Variants in HECTD4 observed in about 807,000 individuals in gnomAD.
HECTD4 encodes the protein HECT domain E3 ubiquitin protein ligase 4, also known as probable E3 ubiquitin-protein ligase HECTD4.
In HECTD4, 114 loss-of-function variants were observed where a neutral mutation model predicts 471.5. The observed-to-expected ratio is 0.24, with a 90% CI of 0.21 to 0.28. HECTD4 has a LOEUF of 0.28. Among genes scored for constraint, HECTD4 ranks in the 10% least tolerant of loss-of-function variants. The pLI, the probability that HECTD4 is intolerant of heterozygous loss-of-function variation, is 1.00. For missense variants in HECTD4, 3,866 were observed against 5,651.5 expected, an observed-to-expected ratio of 0.68 and a Z score of 10.13; for synonymous variants, 2,012 against 2,256.0, an observed-to-expected ratio of 0.89 and a Z score of 3.07.
intron 45 of HECTD4, 112 bp downstream of exon 45, chr12:112,219,274 C>T (rs2033020915): frequency 1.6e-6 from 1 of 635,234 alleles, no homozygotes; most frequent in Non-Finnish European, 2.6e-6. Flanking sequence ...AAAGAATGCA[C>T]CTCCAAACGG....
chr12:112,277,523 C>CA (rs573837292), intron 9 of HECTD4, among the ~76,000 whole-genome samples: 61 of 152,262 alleles, frequency 4.0e-4, no homozygotes, highest in Non-Finnish European at 7.1e-4. Context: ...CCTCAGTGAC[C>CA]ACGTAGTGAT....
rs1219518984 is a variant in HECTD4 at position 112,239,348 on chromosome 12, A to G, written c.5106-112T>C. 3 of 831,014 alleles carry G rather than the reference A, an allele frequency of 3.6e-6. No homozygotes were observed. Among genetic ancestry groups the G allele is most frequent in the Non-Finnish European group, 5.4e-6 (3 of 556,546 alleles). 51.5% of individuals were successfully genotyped at this position (831,014 alleles called of 1,614,324 possible). On this transcript the variant is annotated intron_variant, in intron 33 of 75. Coordinates refer to ENST00000682272, the MANE Select transcript of HECTD4 (RefSeq NM_001388303.1). The surrounding 1 kb of genome is among the most constrained non-coding windows in gnomAD (Gnocchi z 4.9). The stretch of plus-strand genomic sequence containing the variant: ...CATGCTGGTGCAGCTCTTTCCCTAC[A>G]ACTTAGGATACTGCCATGTGCAATC...
chr12:112,348,104 G>A (rs1479811091), intron 1 of HECTD4, among the ~76,000 whole-genome samples: 1 of 152,146 alleles, frequency 6.6e-6, no homozygotes, highest in Non-Finnish European at 1.5e-5. Flanking sequence ...TCTAATTGCA[G>A]GTGGAAAAAC....
In HECTD4 at chr12:112,239,290, A is replaced by T; in HGVS notation, c.5106-54T>A. 1 of 1,501,566 alleles carries T rather than the reference A, an allele frequency of 6.7e-7. No homozygotes were observed. The highest frequency in any genetic ancestry group is 9.0e-7 in the Non-Finnish European group (1 of 1,113,776). 93.0% of individuals were successfully genotyped at this position (1,501,566 alleles called of 1,614,324 possible). A position where few individuals can be genotyped will look rare whatever the true frequency, so the allele number is the denominator to read the frequency against. ...TAAACGTAACTGACCGACACTCAGG[A>T]AACTCTCATGTGAGGTTCAAAGGGG... On this transcript the variant is annotated intron_variant, in intron 33 of 75. Transcript: ENST00000682272. The surrounding 1 kb of genome is among the most constrained non-coding windows in gnomAD (Gnocchi z 4.9).
chr12:112,349,974 A>G (rs1286601772), intron 1 of HECTD4, among the ~76,000 whole-genome samples: 4 of 151,806 alleles, frequency 2.6e-5, no homozygotes, highest in Non-Finnish European at 5.9e-5. Context: ...CTTTTTTTTG[A>G]GACAGGGCCT....
chr12:112,219,316 C>T, intron 45 of HECTD4, 70 bp downstream of exon 45: 1 of 1,127,732 alleles, frequency 8.9e-7, no homozygotes, highest in Non-Finnish European at 1.3e-6. Context: ...ATGTCCTTAA[C>T]TTGCTGCTGG....
intron 1 of HECTD4, among the ~76,000 whole-genome samples, chr12:112,340,819 G>A (rs945048905): frequency 5.3e-5 from 8 of 152,090 alleles, no homozygotes; most frequent in African/African-American, 1.2e-4. Flanking sequence ...TTCATGTGCC[G>A]AATTTGACAA....
Position 112,290,848 on chromosome 12 carries a change from C to CAAAAAAAAA in HECTD4, c.1336-7555_1336-7547dup, listed in dbSNP as rs773634720. Among the ~76,000 whole-genome samples the CAAAAAAAAA allele has an allele frequency of 2.4e-4, 21 of 86,258 alleles. 1 individual carries two copies. The East Asian group carries it at 5.2e-3, about 21-fold the overall frequency. 56.6% of individuals were successfully genotyped at this position (86,258 alleles called of 152,430 possible). On this transcript the variant is annotated intron_variant, in intron 7 of 75. Transcript: ENST00000682272. ...GAGCAACAAGAGCGAAACTCCGTCT[C>CAAAAAAAAA]AAAAAAAAACAAAACAAAAAAAAAA...
At chr12:112,256,180 TTA>T in intron 21 of HECTD4, 138 bp downstream of exon 21, 1 of 558,358 alleles carries the variant, frequency 1.8e-6, no homozygotes, top group Middle Eastern at 4.7e-4. Context: ...GATAAGAACT[TTA>T]TCTTAGGAAA....
Position 112,175,731 on chromosome 12 carries a change from C to T in HECTD4, c.11594+5G>A. The T allele has an allele frequency of 6.2e-7, 1 of 1,611,538 alleles. No homozygotes were observed. The highest frequency in any genetic ancestry group is 8.5e-7 in the Non-Finnish European group (1 of 1,178,832). On this transcript the variant is annotated splice_donor_5th_base_variant and intron_variant, in intron 66 of 75. Coordinates refer to ENST00000682272, the MANE Select transcript of HECTD4 (RefSeq NM_001388303.1). ...GCCAACTGAGTCGAGGGGTAACCCTCTTACCTCTCAAAGTGAAGATCGTAA... is the reference window on the plus strand; with the variant it reads ...GCCAACTGAGTCGAGGGGTAACCCTTTTACCTCTCAAAGTGAAGATCGTAA...
At position 112,296,758 on chromosome 12, in the gene HECTD4, ATGTAGGTGCAGATGG is replaced by A. The variant is rs1405750228; in HGVS notation, c.1335+9291_1335+9305del. Among the ~76,000 whole-genome samples, 176 of 138,006 alleles carry A rather than the reference ATGTAGGTGCAGATGG, an allele frequency of 1.3e-3. No individual in the cohort carries two copies. The East Asian group carries it at 0.016, about 12-fold the overall frequency. The allele number at this position is 138,006 out of a possible 152,430, so 90.5% of individuals were successfully genotyped here. A position where few individuals can be genotyped will look rare whatever the true frequency, so the allele number is the denominator to read the frequency against. The stretch of plus-strand genomic sequence containing the variant: ...GGTGCAGAGGGTATAGATGCAGTGG[ATGTAGGTGCAGATGG>A]TGTAGGTGCAGATGGTGTAGGTGCA... On this transcript the variant is annotated intron_variant, in intron 7 of 75. Transcript: ENST00000682272.
At chr12:112,301,725 G>T in intron 7 of HECTD4, 1 of 403,744 alleles carries the variant, frequency 2.5e-6, no homozygotes, top group Non-Finnish European at 4.5e-6. Flanking sequence ...TTTATAATAT[G>T]AATGCAATAT....
chr12:112,184,252 T>C lies in HECTD4; in HGVS notation c.10714A>G (p.Thr3572Ala), dbSNP rs1425744754. Reference protein sequence around the residue: ...ASVSDMGSMYTVTSLDNQPLA... With the variant: ...ASVSDMGSMYAVTSLDNQPLA... ...GGCTGGTTGTCCAGGGAAGTGACTG[T>C]GTACATGGAGCCCATGTCCGACACC... Residue 3572 changes from threonine to alanine, a missense_variant, in exon 61 of 76, where the codon ACA becomes GCA. Physicochemically the swap from Thr to Ala is moderately conservative, Grantham distance 58. Transcript: ENST00000682272. The surrounding 1 kb of genome is among the most constrained non-coding windows in gnomAD (Gnocchi z 9.1). 6.2e-7 allele frequency: 1 copy of C among 1,613,568 alleles called. No individual in the cohort carries two copies. The highest frequency in any genetic ancestry group is 8.5e-7 in the Non-Finnish European group (1 of 1,179,866).
Position 112,185,068 on chromosome 12 carries a change from C to T in HECTD4, c.9898G>A (p.Gly3300Arg). Residue 3300 changes from glycine to arginine, a missense_variant, in exon 61 of 76, where the codon GGA (glycine) becomes AGA (arginine). Gly to Arg is a moderately radical substitution (Grantham distance 125). Coordinates refer to ENST00000682272, the MANE Select transcript of HECTD4 (RefSeq NM_001388303.1). ...AGGCTGGGACTCTGTGGGGTCTGTC[C>T]TGGGGAGGACGAGGAGGAGGAGGAC... ...DSSSSSSSSPGQTPQSPSLLS... is the reference protein window; with the variant it reads ...DSSSSSSSSPRQTPQSPSLLS... 6.3e-7 allele frequency: 1 copy of T among 1,585,664 alleles called. No individual in the cohort carries two copies.
At chr12:112,208,893 CTTTTTTTT>C (rs756330403) in intron 50 of HECTD4, among the ~76,000 whole-genome samples, 2 of 72,470 alleles carry the variant, frequency 2.8e-5, no homozygotes, top group Non-Finnish European at 5.1e-5. Context: ...ACTAAACAGG[CTTTTTTTT>C]TTTTTTTTTT....
At chr12:112,359,790 G>A (rs2036416566) in intron 1 of HECTD4, among the ~76,000 whole-genome samples, 1 of 151,900 alleles carries the variant, frequency 6.6e-6, no homozygotes, top group African/African-American at 2.4e-5. Flanking sequence ...ATAGCTCACT[G>A]CAAACTTGAA....
At chr12:112,265,132 T>G in intron 16 of HECTD4, 43 bp downstream of exon 16, 1 of 1,537,206 alleles carries the variant, frequency 6.5e-7, no homozygotes. Flanking sequence ...AAAACAGGGA[T>G]GCTTGATATA....
rs1195735524 is a variant in HECTD4 at position 112,235,487 on chromosome 12, G to A, written c.5725+17C>T. ...TGCTGCACTGCCATGCTACTCTCCT[G>A]TTGAGGAGCTTCTCACCTGGAACCA... On this transcript the variant is annotated intron_variant, in intron 36 of 75. Coordinates refer to ENST00000682272, the MANE Select transcript of HECTD4 (RefSeq NM_001388303.1). The surrounding 1 kb of genome is among the most constrained non-coding windows in gnomAD (Gnocchi z 5.0). 10 of 1,595,438 alleles carry A rather than the reference G, an allele frequency of 6.3e-6. No homozygotes were observed. Among genetic ancestry groups the A allele is most frequent in the Non-Finnish European group, 8.5e-6 (10 of 1,170,418 alleles).
At chr12:112,192,882 CCA>C (rs2032129761) in intron 58 of HECTD4, 117 bp from the exon 59 acceptor site, 1 of 1,207,688 alleles carries the variant, frequency 8.3e-7, no homozygotes, top group Admixed American at 2.4e-5. Flanking sequence ...GTCATTTCCA[CCA>C]CACTTTGGAA....
Sources: gnomAD v4.1 joint callset for allele counts (sites outside exome capture counted in the v4.1 genomes callset) on GRCh38, gnomAD v4.1.1 for gene constraint, Gnocchi (gnomAD v3.1) non-coding constraint, MANE v1.5 for transcripts, NCBI Gene and HGNC (gene_info 2026-07-23, HGNC 2026-07-21) for gene names.